The following EPHA8 variants were observed in gnomAD, a reference collection of about 807,000 sequenced individuals.
EPHA8 encodes ephrin type-A receptor 8.
In EPHA8, 58 loss-of-function variants were observed where a neutral mutation model predicts 103.6. That is an observed-to-expected ratio of 0.56 (90% CI 0.45 to 0.70). The LOEUF is 0.70. Ranked by LOEUF, EPHA8 falls within the 30% of genes least tolerant of loss-of-function variation. The pLI, the probability that EPHA8 is intolerant of heterozygous loss-of-function variation, is 0.00. For synonymous variants in EPHA8, 559 were observed against 572.5 expected, an observed-to-expected ratio of 0.98 and a Z score of 0.34; for missense variants, 1,304 against 1,395.2, an observed-to-expected ratio of 0.93 and a Z score of 1.04.
intron 4 of EPHA8, among the ~76,000 whole-genome samples, chr1:22,587,116 C>T (rs573405914): frequency 1.8e-4 from 27 of 152,144 alleles, no homozygotes; most frequent in African/African-American, 6.0e-4. Flanking sequence ...CCATGGAGTT[C>T]GAATATCTGA....
chr1:22,566,117 C>G (rs1640351452), intron 1 of EPHA8, among the ~76,000 whole-genome samples: 1 of 152,240 alleles, frequency 6.6e-6, no homozygotes, highest in East Asian at 1.9e-4. Context: ...ACAGGCCACT[C>G]TCAGAGCTTT....
intron 7 of EPHA8, among the ~76,000 whole-genome samples, chr1:22,594,818 G>A (rs543614856): frequency 2.0e-5 from 3 of 152,336 alleles, no homozygotes; most frequent in East Asian, 1.9e-4. Flanking sequence ...TCTGAAAACT[G>A]AAGATAGTGC....
rs374015787 is a variant in EPHA8 at position 22,576,761 on chromosome 1, G to A, written c.704G>A (p.Arg235Gln). 6.2e-7 allele frequency: 1 copy of A among 1,613,764 alleles called. No homozygotes were observed. The highest frequency in any genetic ancestry group is 1.1e-5 in the South Asian group (1 of 91,086). ...SLVEVRGQCVRHSEERDTPKM... is the reference protein window; with the variant it reads ...SLVEVRGQCVQHSEERDTPKM... Reference sequence around the variant, plus strand: ...GTGGAGGTGAGGGGCCAGTGCGTGCGGCACTCAGAGGAGCGGGACACACCC... The same window carrying A: ...GTGGAGGTGAGGGGCCAGTGCGTGCAGCACTCAGAGGAGCGGGACACACCC... Residue 235 changes from arginine to glutamine, a missense_variant, in exon 3 of 17, where the codon CGG becomes CAG. Arg to Gln is a conservative substitution (Grantham distance 43). Transcript: ENST00000166244. The surrounding 1 kb of genome is among the most constrained non-coding windows in gnomAD (Gnocchi z 4.8).
chr1:22,566,617 G>A (rs920283141), intron 1 of EPHA8, among the ~76,000 whole-genome samples: 4 of 152,190 alleles, frequency 2.6e-5, no homozygotes, highest in Admixed American at 6.5e-5. Flanking sequence ...CATGGAGTCC[G>A]ATCCCCGTGT....
chr1:22,579,733 G>A (rs575370602), intron 3 of EPHA8, among the ~76,000 whole-genome samples: 13 of 152,288 alleles, frequency 8.5e-5, no homozygotes, highest in Middle Eastern at 3.4e-3. Flanking sequence ...GACAGAGGAG[G>A]TGAAAGGGAG....
intron 3 of EPHA8, among the ~76,000 whole-genome samples, chr1:22,583,285 C>T (rs1641096256): frequency 6.6e-6 from 1 of 152,266 alleles, no homozygotes; most frequent in South Asian, 2.1e-4. Flanking sequence ...CTCCCTGAGG[C>T]CTGGTGATTA....
At chr1:22,580,874 C>T (rs1031973013) in intron 3 of EPHA8, among the ~76,000 whole-genome samples, 3 of 152,192 alleles carry the variant, frequency 2.0e-5, no homozygotes, top group African/African-American at 7.2e-5. Context: ...AGGCTTTTAG[C>T]GTCTCCCTAG....
chr1:22,589,224 G>A lies in EPHA8; in HGVS notation c.1315+18G>A, dbSNP rs199679973. On this transcript the variant is annotated intron_variant, in intron 5 of 16. Coordinates refer to ENST00000166244, the MANE Select transcript of EPHA8 (RefSeq NM_020526.5). The surrounding 1 kb of genome is among the most constrained non-coding windows in gnomAD (Gnocchi z 4.3). The stretch of plus-strand genomic sequence containing the variant: ...CCAGGCAGGTAGGCGGAGAAACTCC[G>A]TCCCGCAGCGTCCTGGTCCCCCAGC... 5.1e-5 allele frequency: 82 copies of A among 1,613,846 alleles called. No homozygotes were observed. The highest frequency in any genetic ancestry group is 2.7e-4 in the South Asian group (25 of 91,078).
chr1:22,601,858 G>A lies in EPHA8; in HGVS notation c.*117G>A, dbSNP rs1024813329. On this transcript the variant is annotated 3_prime_UTR_variant, in exon 17 of 17. Transcript: ENST00000166244. ...CCCCAGGCCTCTGCCCTCCTCTCAGGTGCTGGAGGAGCTGAAGGCTTCGCC... is the reference window on the plus strand; with the variant it reads ...CCCCAGGCCTCTGCCCTCCTCTCAGATGCTGGAGGAGCTGAAGGCTTCGCC... 1 of 976,076 alleles carries A rather than the reference G, an allele frequency of 1.0e-6. No individual in the cohort carries two copies. The highest frequency in any genetic ancestry group is 2.6e-5 in the East Asian group (1 of 38,234). The allele number at this position is 976,076 out of a possible 1,614,324, so 60.5% of individuals were successfully genotyped here.
chr1:22,573,157 G>A (rs1485120550), intron 2 of EPHA8, among the ~76,000 whole-genome samples: 2 of 152,154 alleles, frequency 1.3e-5, no homozygotes, highest in African/African-American at 2.4e-5. Flanking sequence ...GGGGAGACTC[G>A]GAAGCCTAAA....
At chr1:22,596,042 G>A (rs1388075200) in intron 8 of EPHA8, 64 bp from the exon 9 acceptor site, 4 of 1,497,180 alleles carry the variant, frequency 2.7e-6, no homozygotes, top group East Asian at 2.3e-5. Context: ...TCGTTCCCTG[G>A]TTGGGGTCAG....
chr1:22,571,446 C>A (rs1451573302), intron 2 of EPHA8, among the ~76,000 whole-genome samples: 1 of 152,160 alleles, frequency 6.6e-6, no homozygotes, highest in Non-Finnish European at 1.5e-5. Context: ...GGGACTCAAA[C>A]TTGGGTCTCT....
chr1:22,601,460 C>T lies in EPHA8; in HGVS notation c.2890C>T (p.Arg964Cys), dbSNP rs774311718. Residue 964 changes from arginine (R) to cysteine (C), a missense_variant, in exon 16 of 17, where the codon CGC becomes TGC. Arg to Cys is a radical substitution (Grantham distance 180). Coordinates refer to ENST00000166244, the MANE Select transcript of EPHA8 (RefSeq NM_020526.5). ...GGYSSLGMVL[R>C]MNAQDVRALG... ...ATACTCCTCTCTGGGCATGGTGCTA[C>T]GCATGAACGCCCAGTGAGTGATGGG... 2.0e-5 allele frequency: 33 copies of T among 1,609,828 alleles called. No homozygotes were observed. Among genetic ancestry groups the T allele is most frequent in the African/African-American group, 5.3e-5 (4 of 74,992 alleles).
intron 3 of EPHA8, 102 bp from the exon 4 acceptor site, chr1:22,586,378 C>A: frequency 1.4e-6 from 2 of 1,435,420 alleles, no homozygotes; most frequent in Non-Finnish European, 1.9e-6. Flanking sequence ...CTCCATCCCT[C>A]TGGGGCACCC....
intron 13 of EPHA8, 27 bp from the exon 14 acceptor site, chr1:22,600,634 C>G: frequency 6.2e-7 from 1 of 1,610,658 alleles, no homozygotes; most frequent in Middle Eastern, 1.8e-4. Flanking sequence ...CCTGGGCAGC[C>G]CCTCAACTCT....
chr1:22,576,567 G>A lies in EPHA8; in HGVS notation c.510G>A (p.Val170=). The change falls in exon 3 of 17, where the codon GTG becomes GTA. Residue 170 remains valine (V), a synonymous_variant. Transcript: ENST00000166244. This position sits in a 1 kb window ranked among gnomAD's most constrained non-coding sequence, Gnocchi z 4.8. The part of the protein sequence containing the change: ...GVRRLKLNTE[V]RSVGPLSKRG... ...GGCGTCTCAAGCTCAACACGGAGGTGCGCAGTGTGGGTCCCCTCAGCAAGC... is the reference window on the plus strand; with the variant it reads ...GGCGTCTCAAGCTCAACACGGAGGTACGCAGTGTGGGTCCCCTCAGCAAGC... 1.2e-6 allele frequency: 2 copies of A among 1,614,154 alleles called. No individual in the cohort carries two copies. Among genetic ancestry groups the A allele is most frequent in the Non-Finnish European group, 1.7e-6 (2 of 1,180,042 alleles).
Position 22,589,786 on chromosome 1 carries a change from C to T in EPHA8, c.1315+580C>T, listed in dbSNP as rs565633645. The stretch of plus-strand genomic sequence containing the variant: ...TTCCCAAACTCTGGAGGACCCTGCC[C>T]GTCAAGTGACAGCGTGACCCAAGAG... On this transcript the variant is annotated intron_variant, in intron 5 of 16. Coordinates refer to ENST00000166244, the MANE Select transcript of EPHA8 (RefSeq NM_020526.5). This position sits in a 1 kb window ranked among gnomAD's most constrained non-coding sequence, Gnocchi z 4.3. Among the ~76,000 whole-genome samples, 7 of 152,240 alleles carry T rather than the reference C, an allele frequency of 4.6e-5. No homozygotes were observed. The highest frequency in any genetic ancestry group is 1.9e-4 in the East Asian group (1 of 5,180).
At chr1:22,590,929 C>T (rs1025770863) in intron 5 of EPHA8, among the ~76,000 whole-genome samples, 3 of 152,080 alleles carry the variant, frequency 2.0e-5, no homozygotes, top group Non-Finnish European at 4.4e-5. Context: ...TCATCCTTGA[C>T]TCTCATGCAT....
rs1243773573 is a variant in EPHA8 at position 22,597,162 on chromosome 1, A to G, written c.1766-150A>G. Reference sequence around the variant, plus strand: ...CAGAGACCCCACTTTCACTTGGGAAATACTTATGGGGTGCGTGTTGTTTGC... The same window carrying G: ...CAGAGACCCCACTTTCACTTGGGAAGTACTTATGGGGTGCGTGTTGTTTGC... On this transcript the variant is annotated intron_variant, in intron 9 of 16. Coordinates refer to ENST00000166244, the MANE Select transcript of EPHA8 (RefSeq NM_020526.5). The surrounding 1 kb of genome is among the most constrained non-coding windows in gnomAD (Gnocchi z 4.6). 1 of 592,626 alleles carries G rather than the reference A, an allele frequency of 1.7e-6. No individual in the cohort carries two copies. The highest frequency in any genetic ancestry group is 2.7e-6 in the Non-Finnish European group (1 of 364,076). 36.7% of individuals were successfully genotyped at this position (592,626 alleles called of 1,614,324 possible).
Sources: allele counts gnomAD v4.1 joint callset (sites outside exome capture counted in the v4.1 genomes callset), GRCh38; gene constraint gnomAD v4.1.1; non-coding constraint Gnocchi (gnomAD v3.1); transcripts MANE v1.5; gene names NCBI Gene and HGNC (gene_info 2026-07-23, HGNC 2026-07-21).